Variants in SLC9A9 observed in about 807,000 individuals in gnomAD.
The protein encoded by SLC9A9 is sodium/hydrogen exchanger 9.
In SLC9A9, 62 loss-of-function variants were observed where a neutral mutation model predicts 77.8. The observed-to-expected ratio is 0.80, with a 90% CI of 0.65 to 0.98. The LOEUF (loss-of-function observed/expected upper bound fraction) is 0.98. Ranked by LOEUF, SLC9A9 falls within the 50% of genes least tolerant of loss-of-function variation. SLC9A9 has a pLI of 0.00. For synonymous variants in SLC9A9, 320 were observed against 283.5 expected, an observed-to-expected ratio of 1.13 and a Z score of -1.29; for missense variants, 775 against 774.9, an observed-to-expected ratio of 1.00 and a Z score of 0.00.
chr3:143,618,321 G>A (rs1440425505), intron 6 of SLC9A9, among the ~76,000 whole-genome samples: 2 of 152,170 alleles, frequency 1.3e-5, no homozygotes, highest in East Asian at 1.9e-4. Context: ...AGTTGGAGGA[G>A]TATAGAGAGG....
intron 4 of SLC9A9, among the ~76,000 whole-genome samples, chr3:143,753,671 G>A (rs540580575): frequency 1.6e-4 from 25 of 152,270 alleles, no homozygotes; most frequent in African/African-American, 5.8e-4. Context: ...CCTCACTGTA[G>A]ATGGATGTGG....
At chr3:143,790,154 T>C (rs1163534319) in intron 4 of SLC9A9, among the ~76,000 whole-genome samples, 1 of 152,142 alleles carries the variant, frequency 6.6e-6, no homozygotes, top group Admixed American at 6.5e-5. Flanking sequence ...TCTCATTCTC[T>C]CTCTTGCCGC....
chr3:143,766,291 G>T (rs1351161117), intron 4 of SLC9A9, among the ~76,000 whole-genome samples: 2 of 152,198 alleles, frequency 1.3e-5, no homozygotes, highest in Non-Finnish European at 2.9e-5. Flanking sequence ...ACAAAGGTGA[G>T]AAAGTGCCTC....
intron 14 of SLC9A9, among the ~76,000 whole-genome samples, chr3:143,269,335 T>G (rs988797234): frequency 2.6e-5 from 4 of 152,220 alleles, no homozygotes; most frequent in Non-Finnish European, 5.9e-5. Flanking sequence ...CTTAAAACTG[T>G]ACACACGCGT....
intron 2 of SLC9A9, among the ~76,000 whole-genome samples, chr3:143,797,807 A>G (rs1205007750): frequency 2.0e-5 from 3 of 151,896 alleles, no homozygotes; most frequent in Non-Finnish European, 4.4e-5. Context: ...CCCAAATCCT[A>G]TAAAATGTCC....
chr3:143,722,059 G>A (rs1934512645), intron 4 of SLC9A9, among the ~76,000 whole-genome samples: 1 of 152,208 alleles, frequency 6.6e-6, no homozygotes, highest in Non-Finnish European at 1.5e-5. Context: ...GTCAGTATCT[G>A]TTAAATTTCA....
At chr3:143,814,937 G>A (rs1472729441) in intron 2 of SLC9A9, among the ~76,000 whole-genome samples, 1 of 152,052 alleles carries the variant, frequency 6.6e-6, no homozygotes, top group African/African-American at 2.4e-5. Flanking sequence ...GTGGGCTCTG[G>A]GCCTTTCACA....
At chr3:143,360,338 T>A (rs1202860082) in intron 14 of SLC9A9, among the ~76,000 whole-genome samples, 1 of 152,226 alleles carries the variant, frequency 6.6e-6, no homozygotes, top group Admixed American at 6.5e-5. Context: ...TTTCTCAATT[T>A]CTTCTTTGTA....
intron 14 of SLC9A9, among the ~76,000 whole-genome samples, chr3:143,274,170 T>C (rs879910794): frequency 4.6e-5 from 7 of 152,220 alleles, no homozygotes; most frequent in Non-Finnish European, 5.9e-5. Context: ...CAAGTGTTTA[T>C]AGACTTGATA....
At chr3:143,818,299 A>C (rs139086849) in intron 2 of SLC9A9, among the ~76,000 whole-genome samples, 1,571 of 152,246 alleles carry the variant, frequency 0.01, 10 homozygotes, top group Non-Finnish European at 0.015. Context: ...CTGGGGACTC[A>C]GACTTGTTAT....
chr3:143,804,572 G>A (rs193038052), intron 2 of SLC9A9, among the ~76,000 whole-genome samples: 55 of 152,220 alleles, frequency 3.6e-4, no homozygotes, highest in Non-Finnish European at 5.3e-4. Flanking sequence ...CTTGCACAAG[G>A]TCTCTTCTTG....
At chr3:143,748,853 G>A (rs1287367702) in intron 4 of SLC9A9, among the ~76,000 whole-genome samples, 4 of 151,614 alleles carry the variant, frequency 2.6e-5, no homozygotes, top group East Asian at 1.9e-4. Context: ...ACAGGCGCCC[G>A]CCACCGCGCC....
At chr3:143,671,108 G>A (rs970324322) in intron 5 of SLC9A9, among the ~76,000 whole-genome samples, 3 of 152,142 alleles carry the variant, frequency 2.0e-5, no homozygotes, top group Non-Finnish European at 4.4e-5. Context: ...ATCGGCTGTG[G>A]TGATGATCAA....
chr3:143,822,902 T>A (rs2108882386), intron 2 of SLC9A9, among the ~76,000 whole-genome samples: 1 of 152,288 alleles, frequency 6.6e-6, no homozygotes, highest in Non-Finnish European at 1.5e-5. Flanking sequence ...CCTCCTTCCA[T>A]CCCTACGCAA....
intron 14 of SLC9A9, among the ~76,000 whole-genome samples, chr3:143,277,271 G>T (rs1271615290): frequency 6.6e-6 from 1 of 152,206 alleles, no homozygotes; most frequent in Non-Finnish European, 1.5e-5. Flanking sequence ...ACAGAAGAAA[G>T]TCGAAACCCA....
chr3:143,830,520 A>C (rs562684661), intron 2 of SLC9A9, among the ~76,000 whole-genome samples: 4 of 152,324 alleles, frequency 2.6e-5, no homozygotes, highest in Non-Finnish European at 4.4e-5. Flanking sequence ...CTGGTCAGGC[A>C]TTTATTGGCA....
rs555540347 is a variant in SLC9A9 at position 143,450,324 on chromosome 3, G to T, written c.1469+16713C>A. Among the ~76,000 whole-genome samples, 1,147 of 149,080 alleles carry T rather than the reference G, an allele frequency of 7.7e-3. 4 individuals are homozygous for T. Among genetic ancestry groups the T allele is most frequent in the Middle Eastern group, 0.017 (4 of 240 alleles). ...AAATAAATAATTTTTATATTAGTTT[G>T]TTATTCAGTTCTTGAAAACATAAAC... On this transcript the variant is annotated intron_variant, in intron 12 of 15. Coordinates refer to ENST00000316549, the MANE Select transcript of SLC9A9 (RefSeq NM_173653.4).
intron 6 of SLC9A9, among the ~76,000 whole-genome samples, chr3:143,587,959 T>C (rs926658797): frequency 2.6e-5 from 4 of 152,208 alleles, no homozygotes; most frequent in African/African-American, 9.7e-5. Flanking sequence ...AAGGTGGTTG[T>C]GCAGAGGAAG....
chr3:143,681,295 C>A (rs2108773422), intron 5 of SLC9A9, among the ~76,000 whole-genome samples: 1 of 151,478 alleles, frequency 6.6e-6, no homozygotes, highest in African/African-American at 2.4e-5. Context: ...TATATTTAAA[C>A]AGTTTTTTTT....
Sources: gnomAD v4.1 joint callset for allele counts (sites outside exome capture counted in the v4.1 genomes callset) on GRCh38, gnomAD v4.1.1 for gene constraint, MANE v1.5 for transcripts, NCBI Gene and HGNC (gene_info 2026-07-23, HGNC 2026-07-21) for gene names.